Variants in PCDH11Y observed in about 807,000 individuals in gnomAD.
PCDH11Y encodes protocadherin 11 Y-linked.
For synonymous variants in PCDH11Y, 9 were observed against 83.6 expected (o/e 0.11, Z 4.87); for missense variants, 12 against 224.8 (o/e 0.05, Z 6.05).
At chrY:5,023,278 T>C in intron 1 of PCDH11Y, among the ~76,000 whole-genome samples, 1 of 33,674 alleles carries the variant, frequency 3.0e-5, no homozygotes, top group African/African-American at 1.2e-4. Flanking sequence ...ACAGTATATG[T>C]GAAAGATGCT....
rs1569344256 is a variant in PCDH11Y, at chrY:5,385,558, G to C, written c.3130-115499G>C. 1.2e-4 allele frequency among the ~76,000 whole-genome samples: 4 copies of C among 32,343 alleles called. No homozygotes were observed. The East Asian group carries it at 3.3e-3, about 26-fold the overall frequency. 86.8% of individuals were successfully genotyped at this position (32,343 alleles called of 37,273 possible). On this transcript the variant is annotated intron_variant, in intron 2 of 4. Coordinates refer to the PCDH11Y transcript ENST00000400457. ...CCACTCGTTGAGTGATGGGCATTTG[G>C]GCTGGTTCCATATTTTTGCAATTGT...
At chrY:5,520,183 C>A in intron 3 of PCDH11Y, among the ~76,000 whole-genome samples, 1 of 27,249 alleles carries the variant, frequency 3.7e-5, no homozygotes, top group Non-Finnish European at 8.5e-5. Context: ...CGCGCCACTG[C>A]ACTCCAGCCT....
At chrY:5,214,565 A>T in intron 2 of PCDH11Y, among the ~76,000 whole-genome samples, 3 of 32,469 alleles carry the variant, frequency 9.2e-5, no homozygotes, top group Non-Finnish European at 1.5e-4. Flanking sequence ...ATTAAATATG[A>T]TTTTTTTCAA....
At chrY:5,196,526 T>C (rs2052918704) in intron 2 of PCDH11Y, among the ~76,000 whole-genome samples, 2 of 33,191 alleles carry the variant, frequency 6.0e-5, no homozygotes, top group African/African-American at 2.4e-4. Context: ...AAAACTATTG[T>C]GCATCATGGT....
chrY:5,404,204 T>G, intron 2 of PCDH11Y, among the ~76,000 whole-genome samples: 1 of 33,524 alleles, frequency 3.0e-5, no homozygotes, highest in Non-Finnish European at 7.4e-5. Flanking sequence ...TACTATATTT[T>G]TAAAGAAAGT....
intron 2 of PCDH11Y, among the ~76,000 whole-genome samples, chrY:5,331,233 A>G (rs1442401108): frequency 2.7e-4 from 9 of 33,816 alleles, no homozygotes; most frequent in Non-Finnish European, 5.9e-4. Context: ...TATAGTTAAC[A>G]AGATATCACT....
chrY:5,332,032 G>A (rs2053131971), intron 2 of PCDH11Y, among the ~76,000 whole-genome samples: 1 of 33,508 alleles, frequency 3.0e-5, no homozygotes, highest in African/African-American at 1.2e-4. Flanking sequence ...CGAGGCGGGC[G>A]GATCACCTGA....
chrY:5,048,593 C>T, intron 3 of PCDH11Y, among the ~76,000 whole-genome samples: 1 of 33,307 alleles, frequency 3.0e-5, no homozygotes, highest in Non-Finnish European at 7.4e-5. Flanking sequence ...AGTAGCCATT[C>T]TGACTAGTGT....
chrY:5,011,209 C>T, intron 1 of PCDH11Y, among the ~76,000 whole-genome samples: 1 of 34,115 alleles, frequency 2.9e-5, no homozygotes, highest in Non-Finnish European at 7.3e-5. Flanking sequence ...TTGGTTGAAA[C>T]TGTAGTTCAG....
At chrY:5,286,287 T>C in intron 2 of PCDH11Y, among the ~76,000 whole-genome samples, 1 of 33,024 alleles carries the variant, frequency 3.0e-5, no homozygotes, top group African/African-American at 1.2e-4. Context: ...TATAGTATAG[T>C]TTGAGGTTGA....
chrY:5,260,932 A>T, intron 2 of PCDH11Y, among the ~76,000 whole-genome samples: 1 of 31,553 alleles, frequency 3.2e-5, no homozygotes, highest in Admixed American at 2.9e-4. Context: ...TTGTCATGGG[A>T]GGAACGCGGT....
Position 5,521,441 on chromosome Y carries a change from G to C in PCDH11Y, c.3328+20186G>C, listed in dbSNP as rs1602937544. ...CCACCTCGGCCTCACAAAGTGCTGG[G>C]ATTACAGGTGTGAGCCACCTTGCCA... On this transcript the variant is annotated intron_variant, in intron 3 of 4. Coordinates refer to the PCDH11Y transcript ENST00000400457. Among the ~76,000 whole-genome samples, 5 of 32,536 alleles carry C rather than the reference G, an allele frequency of 1.5e-4. No homozygotes were observed. In the East Asian group the frequency reaches 2.4e-3, roughly 16 times the overall value. 87.3% of individuals were successfully genotyped at this position (32,536 alleles called of 37,273 possible).
intron 2 of PCDH11Y, among the ~76,000 whole-genome samples, chrY:5,201,062 C>G: frequency 3.0e-5 from 1 of 32,878 alleles, no homozygotes; most frequent in Non-Finnish European, 7.4e-5. Flanking sequence ...CCTAATCTCT[C>G]TTCAAAAAAG....
At chrY:5,232,992 C>T in intron 2 of PCDH11Y, among the ~76,000 whole-genome samples, 2 of 32,278 alleles carry the variant, frequency 6.2e-5, no homozygotes, top group Non-Finnish European at 7.5e-5. Flanking sequence ...CAGCGCCTCA[C>T]GATTGCTGTG....
At chrY:5,540,072 C>T in intron 3 of PCDH11Y, among the ~76,000 whole-genome samples, 1 of 32,121 alleles carries the variant, frequency 3.1e-5, no homozygotes, top group African/African-American at 1.2e-4. Flanking sequence ...ATGCAGAAAA[C>T]GTTGCATTAT....
At chrY:5,460,945 A>G in intron 2 of PCDH11Y, among the ~76,000 whole-genome samples, 2 of 33,185 alleles carry the variant, frequency 6.0e-5, no homozygotes, top group Admixed American at 2.8e-4. Context: ...ATGGTCTCCA[A>G]TATGTATTTT....
chrY:5,596,145 A>G (rs2053467143), intron 4 of PCDH11Y, among the ~76,000 whole-genome samples: 17 of 30,114 alleles, frequency 5.6e-4, no homozygotes, highest in Non-Finnish European at 1.4e-3. Flanking sequence ...TAAACATAAT[A>G]TTTCCTTTCT....
intron 4 of PCDH11Y, among the ~76,000 whole-genome samples, chrY:5,681,065 G>T: frequency 3.1e-5 from 1 of 32,618 alleles, no homozygotes; most frequent in Non-Finnish European, 7.5e-5. Context: ...CACTCCCAAA[G>T]GTCATTGATA....
At chrY:5,140,842 AT>A (rs1175055125) in intron 2 of PCDH11Y, among the ~76,000 whole-genome samples, 2,212 of 27,052 alleles carry the variant, frequency 0.082, no homozygotes, top group East Asian at 0.064. Flanking sequence ...AATCAAACTG[AT>A]TTTTTTTTTT....
Sources: gnomAD v4.1 joint callset for allele counts (sites outside exome capture counted in the v4.1 genomes callset) on GRCh38, gnomAD v4.1.1 for gene constraint, MANE v1.5 for transcripts, NCBI Gene and HGNC (gene_info 2026-07-23, HGNC 2026-07-21) for gene names.